PCDHA8: variants seen among roughly 807,000 people sequenced by gnomAD.
PCDHA8 encodes protocadherin alpha-8.
In PCDHA8, 53 loss-of-function variants were observed where a neutral mutation model predicts 61.8. That is an observed-to-expected ratio of 0.86 (90% CI 0.69 to 1.08). PCDHA8 has a LOEUF of 1.08. Among genes scored for constraint, PCDHA8 ranks in the 50% least tolerant of loss-of-function variants. The pLI, the probability that PCDHA8 is intolerant of heterozygous loss-of-function variation, is 0.00. For synonymous variants in PCDHA8, 618 were observed against 556.6 expected, an observed-to-expected ratio of 1.11 and a Z score of -1.55; for missense variants, 1,293 against 1,245.0, an observed-to-expected ratio of 1.04 and a Z score of -0.58.
Position 140,843,178 on chromosome 5 carries a change from C to G in PCDHA8, c.1857C>G (p.Arg619=). 6.3e-7 allele frequency: 1 copy of G among 1,596,102 alleles called. No individual in the cohort carries two copies. Among genetic ancestry groups the G allele is most frequent in the Admixed American group, 1.7e-5 (1 of 59,344 alleles). ...TGCAGCCAGCTGCAAGCAGCCCTCGCATCCCGTTCCGCGTGGGGCTGTACA... is the reference window on the plus strand; with the variant it reads ...TGCAGCCAGCTGCAAGCAGCCCTCGGATCCCGTTCCGCGTGGGGCTGTACA... ...YELQPAASSP[R]IPFRVGLYTG... is the part of the protein sequence containing the mutation. The change falls in exon 1 of 4, where the codon CGC becomes CGG. Residue 619 remains arginine (R), a synonymous_variant. Transcript: ENST00000531613.
intron 1 of PCDHA8, among the ~76,000 whole-genome samples, chr5:140,895,800 T>C (rs1352398048): frequency 6.6e-6 from 1 of 152,182 alleles, no homozygotes; most frequent in Non-Finnish European, 1.5e-5. Context: ...ATATGTACAA[T>C]ACTGTATTGT....
chr5:140,940,361 A>T (rs1396183629), intron 1 of PCDHA8, among the ~76,000 whole-genome samples: 1 of 152,210 alleles, frequency 6.6e-6, no homozygotes, highest in Non-Finnish European at 1.5e-5. Flanking sequence ...TGCTATTAAA[A>T]GTATTCCTTG....
chr5:140,959,078 A>C (rs1489301308), intron 1 of PCDHA8, among the ~76,000 whole-genome samples: 1 of 152,128 alleles, frequency 6.6e-6, no homozygotes, highest in Non-Finnish European at 1.5e-5. Flanking sequence ...ATTCAGTATT[A>C]TCCTTGGTTT....
chr5:140,884,737 T>C (rs1554181872), intron 1 of PCDHA8: 1 of 1,443,634 alleles, frequency 6.9e-7, no homozygotes, highest in Non-Finnish European at 9.1e-7. Context: ...AAGACATCTT[T>C]CCTGCCAATT....
Position 140,843,625 on chromosome 5 carries a change from C to T in PCDHA8, c.2304C>T (p.Asp768=). The T allele has an allele frequency of 6.3e-7, 1 of 1,596,072 alleles. No homozygotes were observed. Among genetic ancestry groups the T allele is most frequent in the Non-Finnish European group, 8.6e-7 (1 of 1,165,518 alleles). Residue 768 remains aspartate (D), a synonymous_variant, in exon 1 of 4, where the codon GAC becomes GAT. Transcript: ENST00000531613. ...VCSGEGPPKT[D]LMAFSPCLPP... is the part of the protein sequence containing the mutation. ...CTGGTGAGGGGCCACCGAAGACGGA[C>T]CTCATGGCCTTCAGCCCCTGCCTTC...
chr5:140,910,381 TG>T (rs2075003327), intron 1 of PCDHA8, among the ~76,000 whole-genome samples: 1 of 152,188 alleles, frequency 6.6e-6, no homozygotes, highest in Admixed American at 6.5e-5. Context: ...ACCTTGCCTT[TG>T]ACAGTTGACT....
chr5:140,947,131 G>A (rs994081159), intron 1 of PCDHA8, among the ~76,000 whole-genome samples: 10 of 151,080 alleles, frequency 6.6e-5, no homozygotes, highest in African/African-American at 2.2e-4. Context: ...AATAAAAATA[G>A]TAAAATGTAT....
intron 3 of PCDHA8, among the ~76,000 whole-genome samples, chr5:140,987,510 C>A (rs1225122300): frequency 6.6e-6 from 1 of 152,184 alleles, no homozygotes; most frequent in Non-Finnish European, 1.5e-5. Flanking sequence ...ACCTCTGCCA[C>A]TCAGTAATTG....
At chr5:140,906,521 C>T (rs529787398) in intron 1 of PCDHA8, among the ~76,000 whole-genome samples, 4 of 152,330 alleles carry the variant, frequency 2.6e-5, no homozygotes, top group African/African-American at 9.6e-5. Flanking sequence ...AGGAAATACT[C>T]ACGACAATTA....
chr5:141,005,563 A>G (rs938722871), intron 3 of PCDHA8, among the ~76,000 whole-genome samples: 4 of 151,458 alleles, frequency 2.6e-5, no homozygotes, highest in East Asian at 1.9e-4. Context: ...TTAGCCGGGC[A>G]TGGTGGCGCG....
intron 1 of PCDHA8, chr5:140,849,385 C>T: frequency 1.3e-6 from 2 of 1,527,726 alleles, no homozygotes; most frequent in South Asian, 2.3e-5. Context: ...CACATGGACC[C>T]CTTAAGTGGG....
intron 3 of PCDHA8, among the ~76,000 whole-genome samples, 189 bp from the exon 4 acceptor site, chr5:141,009,438 T>C (rs1024999058): frequency 6.6e-6 from 1 of 152,190 alleles, no homozygotes; most frequent in African/African-American, 2.4e-5. Context: ...AGGGAAATCC[T>C]GTCTCAAAAA....
At chr5:140,917,151 G>T (rs974449842) in intron 1 of PCDHA8, among the ~76,000 whole-genome samples, 2 of 152,160 alleles carry the variant, frequency 1.3e-5, no homozygotes, top group Non-Finnish European at 2.9e-5. Flanking sequence ...TGCTGCTGGG[G>T]GATATGGGAG....
intron 1 of PCDHA8, chr5:140,869,862 A>G: frequency 3.7e-6 from 6 of 1,610,466 alleles, no homozygotes; most frequent in Non-Finnish European, 5.1e-6. Flanking sequence ...GCCTTATGGA[A>G]AATGCTGCTA....
At chr5:140,858,837 T>A (rs2045615327) in intron 1 of PCDHA8, 1 of 319,506 alleles carries the variant, frequency 3.1e-6, no homozygotes, top group Non-Finnish European at 5.9e-6. Context: ...TACCAAAAAA[T>A]TCCACTGATC....
chr5:140,846,941 G>T (rs1422705277), intron 1 of PCDHA8, among the ~76,000 whole-genome samples: 2 of 149,652 alleles, frequency 1.3e-5, no homozygotes, highest in Admixed American at 1.3e-4. Flanking sequence ...AGAAATACTT[G>T]AAGGGGCATG....
intron 1 of PCDHA8, chr5:140,881,346 A>G (rs534939044): frequency 1.0e-6 from 1 of 985,162 alleles, no homozygotes; most frequent in Non-Finnish European, 1.2e-6. Context: ...GATTCGGGCT[A>G]CAATGCGTGG....
chr5:140,937,219 T>C lies in PCDHA8; in HGVS notation c.2395-41730T>C, dbSNP rs555881657. Among the ~76,000 whole-genome samples the C allele has an allele frequency of 5.4e-3, 826 of 151,832 alleles. 4 individuals are homozygous for C. Among genetic ancestry groups the C allele is most frequent in the African/African-American group, 0.019 (796 of 41,458 alleles). ...TGCCCGGCTAATTTTTTGTATTTTT[T>C]GTAGAGACGGGGTTTCACCGTGTTA... On this transcript the variant is annotated intron_variant, in intron 1 of 3. Coordinates refer to ENST00000531613, the MANE Select transcript of PCDHA8 (RefSeq NM_018911.3).
At chr5:140,857,302 G>A in intron 1 of PCDHA8, 1 of 1,598,652 alleles carries the variant, frequency 6.3e-7, no homozygotes, top group South Asian at 1.1e-5. Flanking sequence ...AGAGGGTGTC[G>A]GCCTATGAGC....
Sources: allele counts gnomAD v4.1 joint callset (sites outside exome capture counted in the v4.1 genomes callset), GRCh38; gene constraint gnomAD v4.1.1; transcripts MANE v1.5; gene names NCBI Gene and HGNC (gene_info 2026-07-23, HGNC 2026-07-21).